The following PHF6 variants were observed in gnomAD, a reference collection of about 807,000 sequenced individuals.
PHF6 encodes PHD finger protein 6, also known as PHD-like zinc finger protein.
A neutral mutation model predicts 34.0 loss-of-function variants in PHF6; 7 were observed. The observed-to-expected ratio is 0.21, with a 90% CI of 0.12 to 0.39. The LOEUF (loss-of-function observed/expected upper bound fraction) is 0.39. Among genes scored for constraint, PHF6 ranks in the 10% least tolerant of loss-of-function variants. PHF6 has a pLI of 1.00. For missense variants in PHF6, 128 were observed against 262.8 expected (o/e 0.49, Z 3.55); for synonymous variants, 89 against 88.4 (o/e 1.01, Z -0.04).
Position 134,393,563 on chromosome X carries a change from G to A in PHF6, c.303G>A (p.Arg101=). ...TIGCDVKTCH[R]TYHYHCALHD... ...GTTGTGATGTGAAAACATGTCACAG[G>A]ACATACCACTACCACTGTGCATTGC... The change falls in exon 4 of 11, where the codon AGG becomes AGA. Residue 101 remains arginine (R), a synonymous_variant. Coordinates refer to ENST00000370803, the MANE Select transcript of PHF6 (RefSeq NM_001015877.2). 8.3e-7 allele frequency: 1 copy of A among 1,207,077 alleles called. No homozygotes were observed. Among genetic ancestry groups the A allele is most frequent in the Non-Finnish European group, 1.1e-6 (1 of 891,352 alleles).
Position 134,413,569 on chromosome X carries a change from G to A in PHF6, c.497G>A (p.Arg166Lys), listed in dbSNP as rs368966223. 9.1e-6 allele frequency: 11 copies of A among 1,209,043 alleles called. No homozygotes were observed. The highest frequency in any genetic ancestry group is 1.2e-5 in the Non-Finnish European group (11 of 894,900). ...PKSKKKSRKGRPRKTNFKGLS... is the reference protein window; with the variant it reads ...PKSKKKSRKGKPRKTNFKGLS... Reference sequence around the variant, plus strand: ...AGTAAAAAGAAAAGTCGCAAAGGAAGGCCAAGAAAAACTAATTTTAAAGGG... The same window carrying A: ...AGTAAAAAGAAAAGTCGCAAAGGAAAGCCAAGAAAAACTAATTTTAAAGGG... Residue 166 changes from arginine (R) to lysine (K), a missense_variant, in exon 6 of 11, where the codon AGG (arginine) becomes AAG (lysine). By Grantham distance (26) the Arg-to-Lys change is conservative (BLOSUM62 2). This residue lies in a region of PHF6 where 97 missense variants were observed against 152.9 expected (regional missense o/e 0.63). Coordinates refer to ENST00000370803, the MANE Select transcript of PHF6 (RefSeq NM_001015877.2).
chrX:134,410,183 A>G (rs947102166), intron 5 of PHF6, among the ~76,000 whole-genome samples: 4 of 111,724 alleles, frequency 3.6e-5, no homozygotes, highest in African/African-American at 1.3e-4. Flanking sequence ...GTCAAATAGT[A>G]GTTCCGTTTT....
intron 1 of PHF6, among the ~76,000 whole-genome samples, chrX:134,373,958 A>G (rs1317624214): frequency 9.1e-6 from 1 of 110,072 alleles, no homozygotes; most frequent in Non-Finnish European, 1.9e-5. Context: ...GAGGGGGCAT[A>G]AAGAAAGTGG....
At chrX:134,406,114 T>TTTCTTTC (rs1556017671) in intron 5 of PHF6, among the ~76,000 whole-genome samples, 45 of 42,415 alleles carry the variant, frequency 1.1e-3, no homozygotes, top group Admixed American at 3.6e-3. Flanking sequence ...TTCTTTCTTT[T>TTTCTTTC]TTTTTTTACT....
chrX:134,400,703 A>T (rs1370674575), intron 5 of PHF6, among the ~76,000 whole-genome samples: 1 of 110,971 alleles, frequency 9.0e-6, no homozygotes, highest in Non-Finnish European at 1.9e-5. Context: ...TTGCCTGGAG[A>T]AATGTAAGGT....
At chrX:134,405,921 G>A (rs931744883) in intron 5 of PHF6, among the ~76,000 whole-genome samples, 1 of 108,370 alleles carries the variant, frequency 9.2e-6, no homozygotes, top group Non-Finnish European at 1.9e-5. Context: ...AAATGACTCC[G>A]CACATACAGA....
Position 134,379,181 on chromosome X carries a change from GTCT to G in PHF6, c.240+1079_240+1081del, listed in dbSNP as rs772822115. On this transcript the variant is annotated intron_variant, in intron 3 of 10. Coordinates refer to ENST00000370803, the MANE Select transcript of PHF6 (RefSeq NM_001015877.2). ...CAGGAATAATATGTTTTGAAAAGTA[GTCT>G]TCTATTAATCGTTTTACATAAAAAG... is the stretch of plus-strand genomic sequence containing the variant. 1.8e-3 allele frequency among the ~76,000 whole-genome samples: 201 copies of G among 111,071 alleles called. 1 individual carries two copies. The highest frequency in any genetic ancestry group is 5.0e-3 in the African/African-American group (153 of 30,623).
chrX:134,413,527 A>C lies in PHF6; in HGVS notation c.455A>C (p.Glu152Ala), dbSNP rs2077459591. 3 of 1,208,801 alleles carry C rather than the reference A, an allele frequency of 2.5e-6. No individual in the cohort carries two copies. Among genetic ancestry groups the C allele is most frequent in the Non-Finnish European group, 3.4e-6 (3 of 895,033 alleles). The change falls in exon 6 of 11, where the codon GAG (glutamate) becomes GCG (alanine). Residue 152 changes from glutamate to alanine, a missense_variant. Glu to Ala is a moderately radical substitution (Grantham distance 107). This residue lies in a region of PHF6 where 97 missense variants were observed against 152.9 expected (regional missense o/e 0.63). Transcript: ENST00000370803. Reference protein sequence around the residue: ...LEESFNEHELEPSSPKSKKKS... With the variant: ...LEESFNEHELAPSSPKSKKKS... Reference sequence around the variant, plus strand: ...GAAAGTTTTAATGAACATGAACTGGAGCCCTCATCACCTAAAAGTAAAAAG... The same window carrying C: ...GAAAGTTTTAATGAACATGAACTGGCGCCCTCATCACCTAAAAGTAAAAAG...
intron 2 of PHF6, 117 bp downstream of exon 2, chrX:134,377,872 T>G: frequency 1.0e-6 from 1 of 998,135 alleles, no homozygotes; most frequent in Non-Finnish European, 1.4e-6. Flanking sequence ...CAGTTAAATT[T>G]TAAGAAATGG....
intron 9 of PHF6, among the ~76,000 whole-genome samples, chrX:134,421,869 A>T (rs1441482477): frequency 9.2e-6 from 1 of 108,351 alleles, no homozygotes; most frequent in African/African-American, 3.4e-5. Context: ...TTTTCCACTT[A>T]CTAGATCAGA....
intron 3 of PHF6, among the ~76,000 whole-genome samples, chrX:134,389,149 TGAA>T (rs2077343330): frequency 9.0e-6 from 1 of 111,082 alleles, no homozygotes; most frequent in African/African-American, 3.3e-5. Context: ...TTATTATTAA[TGAA>T]GAAGTTTTCA....
intron 3 of PHF6, among the ~76,000 whole-genome samples, chrX:134,383,650 G>A (rs1306328712): frequency 9.0e-6 from 1 of 111,579 alleles, no homozygotes; most frequent in Non-Finnish European, 1.9e-5. Flanking sequence ...TTAATTATAT[G>A]ATCCTTTTTA....
At chrX:134,397,554 C>T (rs1022910174) in intron 5 of PHF6, among the ~76,000 whole-genome samples, 17 of 111,527 alleles carry the variant, frequency 1.5e-4, no homozygotes, top group Non-Finnish European at 9.4e-5. Flanking sequence ...GAGGCTGAAG[C>T]GGGAGAATTG....
At chrX:134,408,366 G>A (rs1318309547) in intron 5 of PHF6, among the ~76,000 whole-genome samples, 2 of 111,977 alleles carry the variant, frequency 1.8e-5, no homozygotes, top group African/African-American at 6.5e-5. Flanking sequence ...TTAGAAATGG[G>A]GTTGCCAAGT....
chrX:134,390,362 A>G (rs936127643), intron 3 of PHF6, among the ~76,000 whole-genome samples: 2 of 112,040 alleles, frequency 1.8e-5, no homozygotes, highest in Non-Finnish European at 3.8e-5. Flanking sequence ...TTTTATTGGT[A>G]TGTCTTCCTC....
At chrX:134,394,596 A>G (rs2077369070) in intron 5 of PHF6, among the ~76,000 whole-genome samples, 1 of 105,021 alleles carries the variant, frequency 9.5e-6, no homozygotes, top group South Asian at 4.3e-4. Flanking sequence ...GCTGGAGTGC[A>G]GTGGCGTGAT....
rs148755352 is a variant in PHF6, at chrX:134,407,743, A to G, written c.419-5748A>G. ...TGACGTAGGTTTCAGGTCCAAAGAT[A>G]CACAGTATGTGGAAGATCCAAGATT... On this transcript the variant is annotated intron_variant, in intron 5 of 10. Coordinates refer to ENST00000370803, the MANE Select transcript of PHF6 (RefSeq NM_001015877.2). Among the ~76,000 whole-genome samples, 6 of 111,299 alleles carry G rather than the reference A, an allele frequency of 5.4e-5. No individual in the cohort carries two copies. The East Asian group carries it at 1.7e-3, about 31-fold the overall frequency.
chrX:134,381,981 G>T (rs966106386), intron 3 of PHF6, among the ~76,000 whole-genome samples: 1 of 111,442 alleles, frequency 9.0e-6, no homozygotes. Flanking sequence ...TTGCTCGCTT[G>T]CCCCAAAGAA....
rs2077283127 is a variant in PHF6, at chrX:134,377,562, T to C, written c.-46-10T>C. 8.9e-7 allele frequency: 1 copy of C among 1,129,711 alleles called. No individual in the cohort carries two copies. Among genetic ancestry groups the C allele is most frequent in the African/African-American group, 1.8e-5 (1 of 55,284 alleles). The allele number at this position is 1,129,711 out of a possible 1,213,427, so 93.1% of individuals were successfully genotyped here. A position where few individuals can be genotyped will look rare whatever the true frequency, so the allele number is the denominator to read the frequency against. On this transcript the variant is annotated splice_polypyrimidine_tract_variant and intron_variant, in intron 1 of 10. Transcript: ENST00000370803. The stretch of plus-strand genomic sequence containing the variant: ...AAAATTAACATTGTCGCCCTTCTTA[T>C]TCTCTGTAGCATTTCTTGAGACTTA...
Sources: gnomAD v4.1 joint callset for allele counts (sites outside exome capture counted in the v4.1 genomes callset) on GRCh38, gnomAD v4.1.1 for gene constraint, gnomAD v4.1.1 regional missense constraint, MANE v1.5 for transcripts, NCBI Gene and HGNC (gene_info 2026-07-23, HGNC 2026-07-21) for gene names.